Variants in NDUFS3 observed in about 807,000 individuals in gnomAD.
The protein encoded by NDUFS3 is NADH:ubiquinone oxidoreductase core subunit S3, also known as NADH dehydrogenase [ubiquinone] iron-sulfur protein 3, mitochondrial.
Under a neutral mutation model 30.8 loss-of-function variants are expected in NDUFS3, and 19 were observed. The ratio of observed to expected loss-of-function variants is 0.62; its 90% CI spans 0.43 to 0.91. NDUFS3 has a LOEUF of 0.91. Among genes scored for constraint, NDUFS3 ranks in the 40% least tolerant of loss-of-function variants. The pLI is 0.00. For missense variants in NDUFS3, 331 were observed against 342.0 expected (o/e 0.97, Z 0.25); for synonymous variants, 153 against 135.8 (o/e 1.13, Z -0.88).
Position 47,580,623 on chromosome 11 carries a change from G to A in NDUFS3, c.231+1G>A. ...GCCCAAGTATGTCCAACAAGTTCAGGTAATACTTACTAATGTTATTTGGGT... is the reference window on the plus strand; with the variant it reads ...GCCCAAGTATGTCCAACAAGTTCAGATAATACTTACTAATGTTATTTGGGT... On this transcript the variant is annotated splice_donor_variant, in intron 3 of 6. Transcript: ENST00000263774. LOFTEE classifies it high-confidence loss of function. The A allele has an allele frequency of 6.2e-7, 1 of 1,613,968 alleles. No homozygotes were observed. Among genetic ancestry groups the A allele is most frequent in the Non-Finnish European group, 8.5e-7 (1 of 1,179,808 alleles).
chr11:47,581,091 C>A, intron 4 of NDUFS3, 107 bp downstream of exon 4: 1 of 1,391,424 alleles, frequency 7.2e-7, no homozygotes, highest in Non-Finnish European at 1.0e-6. Context: ...TCAAGTAGAT[C>A]TGAAGTTGGA....
At chr11:47,580,503 T>A in intron 2 of NDUFS3, 22 bp from the exon 3 acceptor site, 7 of 1,613,406 alleles carry the variant, frequency 4.3e-6, no homozygotes, top group African/African-American at 1.3e-5. Flanking sequence ...ATTTCTTTTT[T>A]AAATATGCCT....
intron 6 of NDUFS3, among the ~76,000 whole-genome samples, chr11:47,583,599 C>T (rs574546907): frequency 3.9e-5 from 6 of 152,240 alleles, no homozygotes; most frequent in Admixed American, 1.3e-4. Context: ...TATTATCACT[C>T]GTGAATTTTA....
rs370799966 is a variant in NDUFS3 at position 47,584,355 on chromosome 11, G to C, written c.669G>C (p.Pro223=). 8 of 1,614,126 alleles carry C rather than the reference G, an allele frequency of 5.0e-6. No individual in the cohort carries two copies. Among genetic ancestry groups the C allele is most frequent in the Non-Finnish European group, 5.9e-6 (7 of 1,180,026 alleles). Residue 223 remains proline, a synonymous_variant, in exon 7 of 7, where the codon CCG becomes CCC. Transcript: ENST00000263774. ...AAGTGAAGCGGGTGGTGGCAGAGCCGGTGGAGTTGGCCCAAGAGTTCCGCA... is the reference window on the plus strand; with the variant it reads ...AAGTGAAGCGGGTGGTGGCAGAGCCCGTGGAGTTGGCCCAAGAGTTCCGCA... ...DDEVKRVVAE[P]VELAQEFRKF...
chr11:47,584,349 A>C lies in NDUFS3; in HGVS notation c.663A>C (p.Ala221=). 1 of 1,614,174 alleles carries C rather than the reference A, an allele frequency of 6.2e-7. No homozygotes were observed. The highest frequency in any genetic ancestry group is 8.5e-7 in the Non-Finnish European group (1 of 1,180,028). The change falls in exon 7 of 7, where the codon GCA becomes GCC. Residue 221 remains alanine (A), a synonymous_variant. Coordinates refer to ENST00000263774, the MANE Select transcript of NDUFS3 (RefSeq NM_004551.3). ...RYDDEVKRVV[A]EPVELAQEFR... ...ATGATGAAGTGAAGCGGGTGGTGGC[A>C]GAGCCGGTGGAGTTGGCCCAAGAGT... is the stretch of plus-strand genomic sequence containing the variant.
chr11:47,581,248 G>C, intron 4 of NDUFS3: 1 of 440,012 alleles, frequency 2.3e-6, no homozygotes, highest in Non-Finnish European at 4.2e-6. Flanking sequence ...CCGTCTCCCA[G>C]GTTCAAGCGA....
chr11:47,580,721 C>G (rs1486446346), intron 3 of NDUFS3, 99 bp downstream of exon 3: 1 of 1,583,368 alleles, frequency 6.3e-7, no homozygotes, highest in African/African-American at 1.3e-5. Flanking sequence ...ACTACAGATT[C>G]CTCCATCCCA....
At chr11:47,581,353 C>T in intron 4 of NDUFS3, 2 of 318,878 alleles carry the variant, frequency 6.3e-6, no homozygotes, top group South Asian at 5.3e-5. Flanking sequence ...GACTGGGTTT[C>T]ACCATGTTGG....
rs2097268103 is a variant in NDUFS3 at position 47,580,570 on chromosome 11, C to T, written c.179C>T (p.Ala60Val). 3 of 1,614,206 alleles carry T rather than the reference C, an allele frequency of 1.9e-6. No homozygotes were observed. The highest frequency in any genetic ancestry group is 2.5e-6 in the Non-Finnish European group (3 of 1,180,038). The part of the protein sequence containing the change: ...RNDVAHKQLS[A>V]FGEYVAEILP... ...GATGTGGCCCACAAGCAGCTCTCAG[C>T]TTTTGGAGAGTATGTGGCTGAAATC... The change falls in exon 3 of 7, where the codon GCT (alanine) becomes GTT (valine). Residue 60 changes from alanine (A) to valine (V), a missense_variant. Ala to Val is a moderately conservative substitution (Grantham distance 64, BLOSUM62 0). Transcript: ENST00000263774.
chr11:47,582,671 G>A (rs1420534245), intron 6 of NDUFS3, among the ~76,000 whole-genome samples: 1 of 152,190 alleles, frequency 6.6e-6, no homozygotes, highest in Non-Finnish European at 1.5e-5. Context: ...TCTTAAAATG[G>A]CAATAATAAT....
rs770880776 is a variant in NDUFS3, at chr11:47,580,759, C to A, written c.232-76C>A. On this transcript the variant is annotated intron_variant, in intron 3 of 6. Transcript: ENST00000263774. ...CTTGGACTTTTCTCTCAGCATTAAA[C>A]CAGGTGACTCCAGCTGAAGTTAGCT... 10 of 1,605,146 alleles carry A rather than the reference C, an allele frequency of 6.2e-6. No individual in the cohort carries two copies. In the Admixed American group the frequency reaches 1.7e-4, roughly 27 times the overall value.
chr11:47,580,020 CACACACA>C (rs2097267445), intron 2 of NDUFS3, among the ~76,000 whole-genome samples: 5 of 126,378 alleles, frequency 4.0e-5, no homozygotes, highest in African/African-American at 1.6e-4. Context: ...CACACACACA[CACACACA>C]CACCTGGGCC....
chr11:47,580,451 A>G (rs2097267974), intron 2 of NDUFS3, 74 bp from the exon 3 acceptor site: 6 of 1,394,172 alleles, frequency 4.3e-6, no homozygotes, highest in Non-Finnish European at 6.1e-6. Flanking sequence ...CATCCCTTAC[A>G]AGCCTAAGAG....
At position 47,584,373 on chromosome 11, in the gene NDUFS3, G is replaced by A; in HGVS notation, c.687G>A (p.Glu229=). 1 of 1,614,112 alleles carries A rather than the reference G, an allele frequency of 6.2e-7. No individual in the cohort carries two copies. Among genetic ancestry groups the A allele is most frequent in the Non-Finnish European group, 8.5e-7 (1 of 1,180,032 alleles). ...VVAEPVELAQ[E]FRKFDLNSPW... is the part of the protein sequence containing the mutation. ...CAGAGCCGGTGGAGTTGGCCCAAGAGTTCCGCAAATTTGACCTGAACAGCC... is the reference window on the plus strand; with the variant it reads ...CAGAGCCGGTGGAGTTGGCCCAAGAATTCCGCAAATTTGACCTGAACAGCC... Residue 229 remains glutamate (E), a synonymous_variant, in exon 7 of 7, where the codon GAG becomes GAA. Coordinates refer to ENST00000263774, the MANE Select transcript of NDUFS3 (RefSeq NM_004551.3).
In NDUFS3 at chr11:47,582,151, G is replaced by A. The variant is rs748646798; in HGVS notation, c.445G>A (p.Glu149Lys). 1 of 1,614,190 alleles carries A rather than the reference G, an allele frequency of 6.2e-7. No individual in the cohort carries two copies. Among genetic ancestry groups the A allele is most frequent in the Non-Finnish European group, 8.5e-7 (1 of 1,180,036 alleles). The part of the protein sequence containing the change: ...SRIRVKTYTD[E>K]LTPIESAVSV... ...GATCCGTGTGAAGACCTACACAGAT[G>A]AGCTGACGCCCATTGAGTCTGCTGT... The change falls in exon 5 of 7, where the codon GAG (glutamate) becomes AAG (lysine). Residue 149 changes from glutamate (E) to lysine (K), a missense_variant. Transcript: ENST00000263774.
intron 2 of NDUFS3, 93 bp downstream of exon 2, chr11:47,579,427 C>T: frequency 1.3e-6 from 2 of 1,511,134 alleles, no homozygotes; most frequent in South Asian, 1.1e-5. Flanking sequence ...CTACGTCCTC[C>T]TGGCAAATCT....
intron 2 of NDUFS3, among the ~76,000 whole-genome samples, chr11:47,580,169 G>T (rs1353891543): frequency 6.6e-6 from 1 of 152,136 alleles, no homozygotes; most frequent in Non-Finnish European, 1.5e-5. Flanking sequence ...GCTACAGAGA[G>T]GCAAAAGTTC....
rs1598805864 is a variant in NDUFS3, at chr11:47,582,290, CCCCT to C, written c.508-58_508-55del. ...GTTCAGACTACGGGATGCAGTGTAG[CCCCT>C]TCCCCCTGTTGTTAGTCTTGATGGA... On this transcript the variant is annotated intron_variant, in intron 5 of 6. Coordinates refer to ENST00000263774, the MANE Select transcript of NDUFS3 (RefSeq NM_004551.3). 50 of 1,614,192 alleles carry C rather than the reference CCCCT, an allele frequency of 3.1e-5. No homozygotes were observed. In the East Asian group the frequency reaches 1.1e-3, roughly 35 times the overall value.
chr11:47,581,051 G>C lies in NDUFS3; in HGVS notation c.381+67G>C, dbSNP rs757885473. The C allele has an allele frequency of 1.8e-5, 29 of 1,588,346 alleles. No homozygotes were observed. The Admixed American group carries it at 3.7e-4, about 20-fold the overall frequency. ...TAATTTCAGTTTGTAACATACAATA[G>C]AACACAGCAGTTAAACTGGAACTTC... On this transcript the variant is annotated intron_variant, in intron 4 of 6. Transcript: ENST00000263774.
Sources: gnomAD v4.1 joint callset for allele counts (sites outside exome capture counted in the v4.1 genomes callset) on GRCh38, gnomAD v4.1.1 for gene constraint, MANE v1.5 for transcripts, NCBI Gene and HGNC (gene_info 2026-07-23, HGNC 2026-07-21) for gene names.